The following NR5A2 variants were observed in gnomAD, a reference collection of about 807,000 sequenced individuals.
The protein encoded by NR5A2 is CYP7A promoter-binding factor.
Under a neutral mutation model 62.7 loss-of-function variants are expected in NR5A2, and 26 were observed. The observed-to-expected ratio is 0.41, with a 90% CI of 0.30 to 0.58. NR5A2 has a LOEUF of 0.58. Among genes scored for constraint, NR5A2 ranks in the 20% least tolerant of loss-of-function variants. The pLI, the probability that NR5A2 is intolerant of heterozygous loss-of-function variation, is 0.22. For synonymous variants in NR5A2, 246 were observed against 241.7 expected, an observed-to-expected ratio of 1.02 and a Z score of -0.16; for missense variants, 541 against 669.1, an observed-to-expected ratio of 0.81 and a Z score of 2.11.
At chr1:200,095,240 C>T (rs1348632489) in intron 5 of NR5A2, among the ~76,000 whole-genome samples, 4 of 152,070 alleles carry the variant, frequency 2.6e-5, no homozygotes, top group African/African-American at 4.8e-5. Flanking sequence ...CATCAGCCTC[C>T]TGAGTAGCTG....
rs190573628 is a variant in NR5A2, at chr1:200,132,654, C to T, written c.1378+11699C>T. 6.6e-5 allele frequency among the ~76,000 whole-genome samples: 10 copies of T among 152,302 alleles called. No homozygotes were observed. In the East Asian group the frequency reaches 1.5e-3, roughly 24 times the overall value. ...CTGAAAGGAGATGATTTTTCAGAGA[C>T]ATATTGGCCAGGCAAACTAGGAATA... On this transcript the variant is annotated intron_variant, in intron 7 of 7. Transcript: ENST00000367362.
chr1:200,130,576 T>G (rs978299385), intron 7 of NR5A2, among the ~76,000 whole-genome samples: 2 of 152,222 alleles, frequency 1.3e-5, no homozygotes, highest in Non-Finnish European at 2.9e-5. Flanking sequence ...AATGTCCAAT[T>G]GTGCATCAAA....
chr1:200,161,580 C>G (rs1199924371), intron 7 of NR5A2, among the ~76,000 whole-genome samples: 1 of 152,176 alleles, frequency 6.6e-6, no homozygotes, highest in Admixed American at 6.5e-5. Context: ...ATTACCACTT[C>G]ACAACATCAA....
intron 7 of NR5A2, among the ~76,000 whole-genome samples, chr1:200,165,783 A>G (rs1005606398): frequency 6.6e-6 from 1 of 152,216 alleles, no homozygotes; most frequent in South Asian, 2.1e-4. Flanking sequence ...AAGTTTGGGC[A>G]ATTATGAATA....
chr1:200,036,095 G>A (rs1299937315), intron 1 of NR5A2, among the ~76,000 whole-genome samples: 1 of 152,180 alleles, frequency 6.6e-6, no homozygotes, highest in African/African-American at 2.4e-5. Flanking sequence ...TCCACCCGCG[G>A]TAGGTGTATT....
chr1:200,059,122 A>G (rs1168545809), intron 5 of NR5A2, among the ~76,000 whole-genome samples: 1 of 151,902 alleles, frequency 6.6e-6, no homozygotes, highest in Non-Finnish European at 1.5e-5. Flanking sequence ...AAATAATAAT[A>G]ATAATAATTA....
intron 7 of NR5A2, among the ~76,000 whole-genome samples, chr1:200,129,879 T>A (rs2816967): frequency 0.54 from 81,515 of 151,982 alleles, 22,050 homozygotes; most frequent in East Asian, 0.69. Context: ...TTGCCTTTGC[T>A]AAGCGATGAA....
At chr1:200,038,624 T>C in intron 1 of NR5A2, 1 of 1,000,320 alleles carries the variant, frequency 1.0e-6, no homozygotes. Context: ...TTTAACTCCC[T>C]TCATCTCCTC....
intron 2 of NR5A2, among the ~76,000 whole-genome samples, chr1:200,041,795 A>G (rs1469666548): frequency 1.3e-5 from 2 of 152,026 alleles, no homozygotes; most frequent in Admixed American, 6.5e-5. Flanking sequence ...GGGTTTTTTC[A>G]AGAGAGTCTC....
rs1667779727 is a variant in NR5A2, at chr1:200,147,779, TGCCGGCA to T, written c.1379-26183_1379-26177del. On this transcript the variant is annotated intron_variant, in intron 7 of 7. Transcript: ENST00000367362. This position sits in a 1 kb window ranked among gnomAD's most constrained non-coding sequence, Gnocchi z 4.9. ...ATGCCGGCGCGAATGCCGGCACGGA[TGCCGGCA>T]CGGTGGGCAGCCGCCGTGGCGTCCA... 1.8e-5 allele frequency: 6 copies of T among 330,314 alleles called. No homozygotes were observed. The highest frequency in any genetic ancestry group is 3.5e-5 in the Non-Finnish European group (6 of 170,508). The allele number at this position is 330,314 out of a possible 1,614,324, so 20.5% of individuals were successfully genotyped here. A position where few individuals can be genotyped will look rare whatever the true frequency, so the allele number is the denominator to read the frequency against.
At chr1:200,098,730 C>T (rs1665218700) in intron 5 of NR5A2, among the ~76,000 whole-genome samples, 1 of 152,148 alleles carries the variant, frequency 6.6e-6, no homozygotes, top group African/African-American at 2.4e-5. Context: ...GAGCCTAGTA[C>T]CAGGGTGTGA....
At chr1:200,050,060 G>C (rs2821370) in intron 5 of NR5A2, among the ~76,000 whole-genome samples, 38,439 of 151,988 alleles carry the variant, frequency 0.25, 6,343 homozygotes, top group African/African-American at 0.47. Flanking sequence ...TTATTGCTAC[G>C]CTTAAAAATG....
intron 5 of NR5A2, among the ~76,000 whole-genome samples, chr1:200,093,134 G>T (rs1296165808): frequency 6.6e-6 from 1 of 152,006 alleles, no homozygotes; most frequent in Non-Finnish European, 1.5e-5. Context: ...TTGAACACCT[G>T]ACCTTGTGAT....
intron 7 of NR5A2, chr1:200,148,076 G>A (rs952460035): frequency 1.4e-5 from 4 of 288,956 alleles, no homozygotes; most frequent in Non-Finnish European, 2.7e-5. Flanking sequence ...GGCCCGCCTC[G>A]AAGGTATCCA....
At chr1:200,120,006 TAGAG>T (rs1292045248) in intron 6 of NR5A2, among the ~76,000 whole-genome samples, 1 of 152,164 alleles carries the variant, frequency 6.6e-6, no homozygotes, top group Non-Finnish European at 1.5e-5. Context: ...TTGCTGTCTT[TAGAG>T]AGAAACACAT....
chr1:200,110,747 C>A (rs920610340), intron 5 of NR5A2, among the ~76,000 whole-genome samples: 1 of 152,122 alleles, frequency 6.6e-6, no homozygotes, highest in Non-Finnish European at 1.5e-5. Flanking sequence ...TATATGAATT[C>A]TTTTGGCTTG....
intron 5 of NR5A2, among the ~76,000 whole-genome samples, chr1:200,075,887 T>C (rs1664007071): frequency 2.7e-5 from 1 of 37,186 alleles, no homozygotes. Flanking sequence ...AGCTCTTCTG[T>C]TTTCTTTTCT....
chr1:200,076,319 G>C (rs139102723), intron 5 of NR5A2, among the ~76,000 whole-genome samples: 2 of 152,310 alleles, frequency 1.3e-5, no homozygotes, highest in Non-Finnish European at 2.9e-5. Flanking sequence ...CCAGCCTGCA[G>C]TATCAGTGTG....
At chr1:200,043,732 A>G (rs1421690858) in intron 2 of NR5A2, 42 bp from the exon 3 acceptor site, 1 of 1,274,808 alleles carries the variant, frequency 7.8e-7, no homozygotes, top group Admixed American at 1.8e-5. Flanking sequence ...ACCTACATGT[A>G]AATTAATTGA....
Sources: gnomAD v4.1 joint callset for allele counts (sites outside exome capture counted in the v4.1 genomes callset) on GRCh38, gnomAD v4.1.1 for gene constraint, Gnocchi (gnomAD v3.1) non-coding constraint, MANE v1.5 for transcripts, NCBI Gene and HGNC (gene_info 2026-07-23, HGNC 2026-07-21) for gene names.